PPARGC1B: variants seen among roughly 807,000 people sequenced by gnomAD.
The protein encoded by PPARGC1B is peroxisome proliferator-activated receptor gamma coactivator 1-beta.
In PPARGC1B, 34 loss-of-function variants were observed where a neutral mutation model predicts 101.6. The ratio of observed to expected loss-of-function variants is 0.33; its 90% confidence interval spans 0.25 to 0.45. The LOEUF is 0.45. Ranked by LOEUF, PPARGC1B falls within the 20% of genes least tolerant of loss-of-function variation. The pLI is 1.00. For synonymous variants in PPARGC1B, 548 were observed against 539.3 expected, an observed-to-expected ratio of 1.02 and a Z score of -0.22; for missense variants, 1,234 against 1,317.6, an observed-to-expected ratio of 0.94 and a Z score of 0.98.
chr5:149,762,388 C>T (rs1044945516), intron 1 of PPARGC1B, among the ~76,000 whole-genome samples: 3 of 152,122 alleles, frequency 2.0e-5, no homozygotes, highest in African/African-American at 7.2e-5. Context: ...CTCAAGTGAT[C>T]CTCCCCACCT....
intron 1 of PPARGC1B, among the ~76,000 whole-genome samples, chr5:149,750,849 G>A (rs1204499646): frequency 2.0e-5 from 3 of 152,334 alleles, no homozygotes; most frequent in Admixed American, 2.0e-4. Context: ...CACGATGGGT[G>A]CCCGTGCAGG....
downstream of PPARGC1B, among the ~76,000 whole-genome samples, chr5:149,855,532 G>C (rs1282686456): frequency 6.6e-6 from 1 of 152,158 alleles, no homozygotes; most frequent in African/African-American, 2.4e-5. Flanking sequence ...TCATCAATTT[G>C]TAATTACAAA....
intron 1 of PPARGC1B, among the ~76,000 whole-genome samples, chr5:149,784,757 C>T (rs1214795385): frequency 2.0e-5 from 3 of 151,734 alleles, no homozygotes; most frequent in Non-Finnish European, 2.9e-5. Flanking sequence ...TTAGTAGAGA[C>T]GGGGTTTCAC....
At chr5:149,834,881 T>C (rs762130697) in intron 6 of PPARGC1B, among the ~76,000 whole-genome samples, 171 bp downstream of exon 6, 5 of 151,932 alleles carry the variant, frequency 3.3e-5, no homozygotes, top group Non-Finnish European at 7.4e-5. Flanking sequence ...TAGAAGGGAG[T>C]TGGTGTTTAG....
chr5:149,830,688 C>A (rs1413310510), intron 3 of PPARGC1B, 79 bp from the exon 4 acceptor site: 14 of 1,045,550 alleles, frequency 1.3e-5, no homozygotes, highest in Non-Finnish European at 2.1e-5. Flanking sequence ...CAAGGTCAGT[C>A]CTGAGGGGCT....
rs143922197 is a variant in PPARGC1B, at chr5:149,837,071, C to G, written c.2616C>G (p.Phe872Leu). The G allele has an allele frequency of 1.9e-4, 309 of 1,609,470 alleles. No individual in the cohort carries two copies. Among genetic ancestry groups the G allele is most frequent in the Non-Finnish European group, 2.6e-4 (305 of 1,178,008 alleles). The change falls in exon 8 of 12, where the codon TTC (phenylalanine) becomes TTG (leucine). Residue 872 changes from phenylalanine (F) to leucine (L), a missense_variant and splice_region_variant. Physicochemically the swap from Phe to Leu is conservative, Grantham distance 22 (BLOSUM62 0). Around this residue, in one of 3 missense-constraint regions of PPARGC1B, gnomAD observed 497 missense variants for 529.5 expected, o/e 0.94. Transcript: ENST00000309241. This position sits in a 1 kb window ranked among gnomAD's most constrained non-coding sequence, Gnocchi z 4.2. ...GGTCACCAGCCACTCGAAGGAACTT[C>G]AGGTATGAACAGGGGGCTGCAGGAG... ...HSWSPATRRN[F>L]RCESRGPCSD... is the part of the protein sequence containing the mutation.
In PPARGC1B at chr5:149,849,339, T is replaced by C. The variant is rs1759687837; in HGVS notation, c.*1781T>C. On this transcript the variant is annotated 3_prime_UTR_variant, in exon 12 of 12. Coordinates refer to ENST00000309241, the MANE Select transcript of PPARGC1B (RefSeq NM_133263.4). The stretch of plus-strand genomic sequence containing the variant: ...TAGTAGGGGTAGGGAATTTGAACTG[T>C]TGTGTGTCACAGCAGTTGACCTCTC... The C allele has an allele frequency of 6.6e-6, 1 of 152,196 alleles. No individual in the cohort carries two copies. Among genetic ancestry groups the C allele is most frequent in the Non-Finnish European group, 1.5e-5 (1 of 68,026 alleles). 9.4% of individuals were successfully genotyped at this position (152,196 alleles called of 1,614,324 possible). A position where few individuals can be genotyped will look rare whatever the true frequency, so the allele number is the denominator to read the frequency against.
intron 1 of PPARGC1B, among the ~76,000 whole-genome samples, chr5:149,766,115 A>C (rs765628216): frequency 6.6e-6 from 1 of 152,208 alleles, no homozygotes; most frequent in Admixed American, 6.5e-5. Context: ...GGACCTTACA[A>C]ATGATGTTGC....
Position 149,836,910 on chromosome 5 carries a change from G to GAGT in PPARGC1B, c.2456_2457insGTA (p.Asp819delinsGluTyr). 6.2e-7 allele frequency: 1 copy of GAGT among 1,613,650 alleles called. No individual in the cohort carries two copies. Among genetic ancestry groups the GAGT allele is most frequent in the African/African-American group, 1.3e-5 (1 of 75,046 alleles). On this transcript the variant is annotated protein_altering_variant, in exon 8 of 12. Coordinates refer to ENST00000309241, the MANE Select transcript of PPARGC1B (RefSeq NM_133263.4). ...GGAAGAAGGGGAGGAGGAGGAGGAG[G>GAGT]ACGATGAAGAAGAGGACTCAGGGGT...
chr5:149,811,056 A>G (rs1419449587), intron 1 of PPARGC1B, among the ~76,000 whole-genome samples: 1 of 152,212 alleles, frequency 6.6e-6, no homozygotes, highest in Non-Finnish European at 1.5e-5. Context: ...AAAGTCAGAT[A>G]AAGCGCAAAA....
chr5:149,809,662 C>T (rs898064341), intron 1 of PPARGC1B, among the ~76,000 whole-genome samples: 4 of 132,768 alleles, frequency 3.0e-5, no homozygotes, highest in African/African-American at 5.8e-5. Context: ...CACTCCAGCT[C>T]GGGCGACAGA....
intron 1 of PPARGC1B, among the ~76,000 whole-genome samples, chr5:149,801,567 G>A (rs1453784736): frequency 6.6e-6 from 1 of 152,204 alleles, no homozygotes; most frequent in African/African-American, 2.4e-5. Flanking sequence ...CAGGGAGGCA[G>A]GAGACACACC....
chr5:149,854,180 ACT>A lies in PPARGC1B; in HGVS notation c.*6625_*6626del, dbSNP rs1417223903. 2.0e-5 allele frequency: 3 copies of A among 152,144 alleles called. No individual in the cohort carries two copies. The highest frequency in any genetic ancestry group is 1.3e-4 in the Admixed American group (2 of 15,276). 9.4% of individuals were successfully genotyped at this position (152,144 alleles called of 1,614,324 possible). ...GCAATAGGAGCCAGGGCTTTCCCTG[ACT>A]CTGCGACAGGGTCAAACCAAGGAAT... is the stretch of plus-strand genomic sequence containing the variant. On this transcript the variant is annotated 3_prime_UTR_variant, in exon 12 of 12. Transcript: ENST00000309241.
intron 1 of PPARGC1B, among the ~76,000 whole-genome samples, chr5:149,773,080 C>T (rs34788898): frequency 0.11 from 17,249 of 152,044 alleles, 1,070 homozygotes; most frequent in East Asian, 0.24. Context: ...TTGTTCTGCC[C>T]GTGTACCAGC....
At chr5:149,782,923 A>C (rs1263909827) in intron 1 of PPARGC1B, among the ~76,000 whole-genome samples, 2 of 152,150 alleles carry the variant, frequency 1.3e-5, no homozygotes, top group Non-Finnish European at 2.9e-5. Context: ...ACTGGGACAG[A>C]GGTAGGGAGC....
At chr5:149,809,232 CATAGATAGATAG>C (rs780945170) in intron 1 of PPARGC1B, among the ~76,000 whole-genome samples, 1 of 8,162 alleles carries the variant, frequency 1.2e-4, no homozygotes, top group African/African-American at 4.5e-4. Flanking sequence ...CCATCTCTAC[CATAGATAGATAG>C]ATAGATAGAT....
intron 1 of PPARGC1B, among the ~76,000 whole-genome samples, chr5:149,792,784 G>A (rs540519063): frequency 2.0e-5 from 3 of 152,258 alleles, no homozygotes; most frequent in African/African-American, 7.2e-5. Context: ...CAGTCTGCAT[G>A]CTTGGGTGCT....
chr5:149,789,925 C>T (rs1756952440), intron 1 of PPARGC1B, among the ~76,000 whole-genome samples: 1 of 152,106 alleles, frequency 6.6e-6, no homozygotes, highest in Non-Finnish European at 1.5e-5. Flanking sequence ...GACACTTTTC[C>T]AAGACCTTGT....
chr5:149,845,377 A>G, intron 10 of PPARGC1B, among the ~76,000 whole-genome samples: 1 of 152,226 alleles, frequency 6.6e-6, no homozygotes, highest in Non-Finnish European at 1.5e-5. Flanking sequence ...AGCGGTGTTA[A>G]GAGCATCAGC....
Sources: gnomAD v4.1 joint callset for allele counts (sites outside exome capture counted in the v4.1 genomes callset) on GRCh38, gnomAD v4.1.1 for gene constraint, gnomAD v4.1.1 regional missense constraint, Gnocchi (gnomAD v3.1) non-coding constraint, MANE v1.5 for transcripts, NCBI Gene and HGNC (gene_info 2026-07-23, HGNC 2026-07-21) for gene names.